EVC2: variants seen among roughly 807,000 people sequenced by gnomAD.
The protein encoded by EVC2 is limbin.
EVC2 carries 148 observed loss-of-function variants against 149.3 expected under a neutral mutation model. That is an observed-to-expected ratio of 0.99 (90% CI 0.87 to 1.14). The LOEUF (loss-of-function observed/expected upper bound fraction) is 1.14, where lower values mean the gene tolerates loss of function less well. EVC2 is among the 50% of genes most tolerant of loss of function. The pLI is 0.00. For synonymous variants in EVC2, 776 were observed against 649.9 expected (o/e 1.19, Z -2.95); for missense variants, 1,854 against 1,627.3 (o/e 1.14, Z -2.40).
rs1722030570 is a variant in EVC2, at chr4:5,562,768, T to A, written c.*80A>T. On this transcript the variant is annotated 3_prime_UTR_variant, in exon 22 of 22. Coordinates refer to ENST00000344408, the MANE Select transcript of EVC2 (RefSeq NM_147127.5). The surrounding 1 kb of genome is among the most constrained non-coding windows in gnomAD (Gnocchi z 4.3). The stretch of plus-strand genomic sequence containing the variant: ...GCAATTTATATTTGCGAGTTGTGCA[T>A]TATAAACACACAAACACCGGCGGGC... The A allele has an allele frequency of 6.2e-7, 1 of 1,604,340 alleles. No homozygotes were observed. The highest frequency in any genetic ancestry group is 2.2e-5 in the East Asian group (1 of 44,878).
chr4:5,606,241 C>A (rs114867231), intron 16 of EVC2, among the ~76,000 whole-genome samples: 12 of 152,166 alleles, frequency 7.9e-5, no homozygotes, highest in African/African-American at 2.4e-4. Context: ...CCATACTCAG[C>A]GGAAAACACC....
chr4:5,676,656 G>A (rs1404982077), intron 7 of EVC2, among the ~76,000 whole-genome samples: 1 of 152,142 alleles, frequency 6.6e-6, no homozygotes, highest in Non-Finnish European at 1.5e-5. Context: ...CAGATGTTCA[G>A]CTGCCCCTTC....
intron 14 of EVC2, among the ~76,000 whole-genome samples, chr4:5,620,490 C>T (rs1715608300): frequency 6.6e-6 from 1 of 152,204 alleles, no homozygotes; most frequent in African/African-American, 2.4e-5. Context: ...CCTACTTTAG[C>T]CAACCAGTTT....
intron 17 of EVC2, among the ~76,000 whole-genome samples, chr4:5,579,225 G>A (rs544504913): frequency 6.6e-5 from 10 of 152,226 alleles, no homozygotes; most frequent in African/African-American, 2.2e-4. Flanking sequence ...AGGAACATGG[G>A]CTTTGGAGGC....
intron 7 of EVC2, among the ~76,000 whole-genome samples, chr4:5,678,006 T>C (rs1435592044): frequency 1.3e-5 from 2 of 152,202 alleles, no homozygotes; most frequent in African/African-American, 2.4e-5. Flanking sequence ...GTTCAAATCC[T>C]GGTCCTGCCA....
rs1415784175 is a variant in EVC2 at position 5,689,236 on chromosome 4, A to T, written c.627T>A (p.Ile209=). 4 of 1,614,218 alleles carry T rather than the reference A, an allele frequency of 2.5e-6. No individual in the cohort carries two copies. Among genetic ancestry groups the T allele is most frequent in the Non-Finnish European group, 3.4e-6 (4 of 1,180,044 alleles). The change falls in exon 5 of 22, where the codon ATT becomes ATA. Residue 209 remains isoleucine (I), a synonymous_variant. Transcript: ENST00000344408. ...CAGAGTCCCAAATGGTGAGACCAGCAATGCTGTCCAGCAAGAGCAGCTCCG... is the reference window on the plus strand; with the variant it reads ...CAGAGTCCCAAATGGTGAGACCAGCTATGCTGTCCAGCAAGAGCAGCTCCG... The part of the protein sequence containing the change: ...NLSELLLLDS[I]AGLTIWDSVG...
chr4:5,543,927 C>A (rs1451458578), intron 21 of EVC2, among the ~76,000 whole-genome samples: 1 of 152,162 alleles, frequency 6.6e-6, no homozygotes, highest in Non-Finnish European at 1.5e-5. Flanking sequence ...CCCGAGGGCT[C>A]CAGGGCCATC....
chr4:5,597,183 T>C (rs930837605), intron 16 of EVC2, among the ~76,000 whole-genome samples: 6 of 151,958 alleles, frequency 3.9e-5, no homozygotes, highest in Non-Finnish European at 7.4e-5. Flanking sequence ...TTCCAATCAA[T>C]AGAAAAAGAG....
chr4:5,572,615 G>C lies in EVC2; in HGVS notation c.3360+2070C>G, dbSNP rs556798575. On this transcript the variant is annotated intron_variant, in intron 19 of 21. Coordinates refer to ENST00000344408, the MANE Select transcript of EVC2 (RefSeq NM_147127.5). ...GACTTCCCAGCCTCCAGAATTATGA[G>C]AAAATTGATAAAGAATTTCTATTCT... Among the ~76,000 whole-genome samples the C allele has an allele frequency of 2.0e-4, 31 of 152,270 alleles. No homozygotes were observed. In the South Asian group the frequency reaches 6.4e-3, roughly 32 times the overall value.
chr4:5,637,316 G>A lies in EVC2; in HGVS notation c.1470+3198C>T, dbSNP rs931605901. On this transcript the variant is annotated intron_variant, in intron 10 of 21. Transcript: ENST00000344408. The surrounding 1 kb of genome is among the most constrained non-coding windows in gnomAD (Gnocchi z 4.4). ...TCCACTGCAGGAGGGGGCAGTGTGCGCAGTGGTTGGGGGCATGCTGCTGGA... is the reference window on the plus strand; with the variant it reads ...TCCACTGCAGGAGGGGGCAGTGTGCACAGTGGTTGGGGGCATGCTGCTGGA... 8.5e-5 allele frequency among the ~76,000 whole-genome samples: 13 copies of A among 152,192 alleles called. No individual in the cohort carries two copies. The East Asian group carries it at 1.7e-3, about 20-fold the overall frequency.
Position 5,706,354 on chromosome 4 carries a change from ACAC to A in EVC2, c.228+1929_228+1931del, listed in dbSNP as rs1306125616. ...GATAGATAGATACATAGATAGATAG[ACAC>A]ATAGATAGATACATAGATAGATACA... On this transcript the variant is annotated intron_variant, in intron 1 of 21. Transcript: ENST00000344408. Among the ~76,000 whole-genome samples, 29 of 7,148 alleles carry A rather than the reference ACAC, an allele frequency of 4.1e-3. 4 individuals carry two copies. The highest frequency in any genetic ancestry group is 0.032 in the African/African-American group (26 of 820). 4.7% of individuals were successfully genotyped at this position (7,148 alleles called of 152,430 possible). A position where few individuals can be genotyped will look rare whatever the true frequency, so the allele number is the denominator to read the frequency against.
chr4:5,608,095 C>T lies in EVC2; in HGVS notation c.2829+7327G>A, dbSNP rs1714541718. On this transcript the variant is annotated intron_variant, in intron 16 of 21. Transcript: ENST00000344408. The stretch of plus-strand genomic sequence containing the variant: ...CACTCGATGCTGGTGTGGCTGCGGA[C>T]AATTTTCCCAATGCCTCCTGGCCTC... Among the ~76,000 whole-genome samples, 14 of 152,236 alleles carry T rather than the reference C, an allele frequency of 9.2e-5. No individual in the cohort carries two copies. In the South Asian group the frequency reaches 2.7e-3, roughly 29 times the overall value.
intron 21 of EVC2, among the ~76,000 whole-genome samples, chr4:5,547,557 C>A (rs182358962): frequency 1.1e-3 from 163 of 152,308 alleles, no homozygotes; most frequent in African/African-American, 3.7e-3. Flanking sequence ...CACTTCCTCC[C>A]CTCTGAAGCC....
intron 1 of EVC2, among the ~76,000 whole-genome samples, chr4:5,699,116 C>T (rs1577271196): frequency 6.6e-6 from 1 of 152,296 alleles, no homozygotes; most frequent in East Asian, 1.9e-4. Flanking sequence ...GGAGGAGGCC[C>T]ACCCACGGAG....
intron 11 of EVC2, among the ~76,000 whole-genome samples, chr4:5,631,042 A>T (rs1459717809): frequency 6.6e-6 from 1 of 152,154 alleles, no homozygotes; most frequent in Non-Finnish European, 1.5e-5. Flanking sequence ...AGGCCTCCTA[A>T]GAATTTCCAC....
chr4:5,576,421 G>C lies in EVC2; in HGVS notation c.3091C>G (p.Gln1031Glu), dbSNP rs370438593. 172 of 1,610,066 alleles carry C rather than the reference G, an allele frequency of 1.1e-4. No homozygotes were observed. The highest frequency in any genetic ancestry group is 1.4e-4 in the Non-Finnish European group (163 of 1,178,160). Residue 1031 changes from glutamine (Q) to glutamate (E), a missense_variant, in exon 18 of 22, where the codon CAG becomes GAG. By Grantham distance (29) the Gln-to-Glu change is conservative. Transcript: ENST00000344408. The surrounding 1 kb of genome is among the most constrained non-coding windows in gnomAD (Gnocchi z 4.5). ...LQELERKLED[Q>E]LVQQEAAQQQ... ...TGGGCTGCCTCCTGCTGCACCAGCT[G>C]GTCCTCCAGCTTCCTCTCCAACTCC...
At chr4:5,587,989 A>G (rs1712444946) in intron 16 of EVC2, among the ~76,000 whole-genome samples, 1 of 152,132 alleles carries the variant, frequency 6.6e-6, no homozygotes, top group African/African-American at 2.4e-5. Context: ...GCATAAGACA[A>G]TATGAGGGGT....
In EVC2 at chr4:5,598,256, G is replaced by T. The variant is rs555920929; in HGVS notation, c.2830-13406C>A. ...ATGGAACCAAAAAAGAGCCCGCATC[G>T]CCAAGTCAATCCTAAGCCAAAAGAA... On this transcript the variant is annotated intron_variant, in intron 16 of 21. Transcript: ENST00000344408. Among the ~76,000 whole-genome samples, 569 of 151,846 alleles carry T rather than the reference G, an allele frequency of 3.7e-3. 2 individuals are homozygous for T. Among genetic ancestry groups the T allele is most frequent in the African/African-American group, 0.013 (542 of 41,402 alleles).
chr4:5,548,896 GT>G (rs1477268922), intron 21 of EVC2, among the ~76,000 whole-genome samples: 1 of 152,086 alleles, frequency 6.6e-6, no homozygotes, highest in Non-Finnish European at 1.5e-5. Context: ...TACTTTCCTT[GT>G]TGTTTTTATT....
Sources: allele counts gnomAD v4.1 joint callset (sites outside exome capture counted in the v4.1 genomes callset), GRCh38; gene constraint gnomAD v4.1.1; non-coding constraint Gnocchi (gnomAD v3.1); transcripts MANE v1.5; gene names NCBI Gene and HGNC (gene_info 2026-07-23, HGNC 2026-07-21).